ATP6V0E1: variants seen among roughly 807,000 people sequenced by gnomAD.
ATP6V0E1 encodes V-type proton ATPase subunit e 1.
A neutral mutation model predicts 11.6 loss-of-function variants in ATP6V0E1; 4 were observed. The ratio of observed to expected loss-of-function variants is 0.35; its 90% confidence interval spans 0.17 to 0.79. ATP6V0E1 has a LOEUF of 0.79. Among genes scored for constraint, ATP6V0E1 ranks in the 30% least tolerant of loss-of-function variants. The pLI, the probability that ATP6V0E1 is intolerant of heterozygous loss-of-function variation, is 0.54. For missense variants in ATP6V0E1, 105 were observed against 100.0 expected (o/e 1.05, Z -0.21); for synonymous variants, 36 against 34.8 (o/e 1.04, Z -0.13).
At chr5:172,985,162 G>T (rs571468543) in intron 1 of ATP6V0E1, among the ~76,000 whole-genome samples, 1 of 150,848 alleles carries the variant, frequency 6.6e-6, no homozygotes, top group Non-Finnish European at 1.5e-5. Context: ...GGAGAATGGC[G>T]TGAACCCAGG....
chr5:172,998,891 A>G (rs1293211773), intron 2 of ATP6V0E1, among the ~76,000 whole-genome samples: 4 of 152,162 alleles, frequency 2.6e-5, no homozygotes, highest in African/African-American at 9.7e-5. Flanking sequence ...CTGTATTCCC[A>G]GCACTTTGGG....
intron 3 of ATP6V0E1, among the ~76,000 whole-genome samples, chr5:173,024,845 T>C (rs1292506029): frequency 6.8e-6 from 1 of 146,684 alleles, no homozygotes; most frequent in African/African-American, 2.5e-5. Context: ...TTTTCTTTTT[T>C]CTTTTTTTTT....
chr5:172,988,139 GATC>G (rs1485661993), intron 1 of ATP6V0E1, among the ~76,000 whole-genome samples: 5 of 152,070 alleles, frequency 3.3e-5, no homozygotes, highest in African/African-American at 1.2e-4. Flanking sequence ...ACAGGTTCAG[GATC>G]ATCAAGATGT....
intron 2 of ATP6V0E1, among the ~76,000 whole-genome samples, chr5:173,007,275 A>G (rs1447583780): frequency 6.6e-6 from 1 of 152,130 alleles, no homozygotes; most frequent in Non-Finnish European, 1.5e-5. Context: ...GCAGCTGGTC[A>G]TGTTTATGAC....
rs191930407 is a variant in ATP6V0E1 at position 173,035,247 on chromosome 5, G to C, written c.*885G>C. The C allele has an allele frequency of 2.0e-5, 3 of 152,282 alleles. No homozygotes were observed. The East Asian group carries it at 5.8e-4, about 29-fold the overall frequency. The allele number at this position is 152,282 out of a possible 1,614,324, so 9.4% of individuals were successfully genotyped here. On this transcript the variant is annotated 3_prime_UTR_variant, in exon 4 of 4. Coordinates refer to ENST00000519374, the MANE Select transcript of ATP6V0E1 (RefSeq NM_003945.4). ...GTGAGCAGTTCAAGGTTACCTGCCA[G>C]CTGCAGAACAAGGCAGCAAATGCTC... is the stretch of plus-strand genomic sequence containing the variant.
chr5:172,990,613 G>A (rs1313618823), intron 1 of ATP6V0E1, among the ~76,000 whole-genome samples: 1 of 151,982 alleles, frequency 6.6e-6, no homozygotes, highest in Non-Finnish European at 1.5e-5. Context: ...TGGATCACTT[G>A]GTCGGGAGTT....
chr5:173,004,976 G>C (rs1218597784), intron 2 of ATP6V0E1, among the ~76,000 whole-genome samples: 1 of 152,120 alleles, frequency 6.6e-6, no homozygotes, highest in African/African-American at 2.4e-5. Flanking sequence ...TTATGAGTCT[G>C]GCTCTGGATT....
intron 3 of ATP6V0E1, among the ~76,000 whole-genome samples, chr5:173,027,085 A>G (rs763476921): frequency 1.4e-5 from 2 of 147,720 alleles, no homozygotes; most frequent in Non-Finnish European, 3.0e-5. Flanking sequence ...AGGCTGGGGC[A>G]GGATAATGGC....
intron 2 of ATP6V0E1, among the ~76,000 whole-genome samples, chr5:172,998,803 T>G (rs774360337): frequency 2.6e-5 from 4 of 151,984 alleles, no homozygotes; most frequent in Non-Finnish European, 4.4e-5. Context: ...GCTTTGAAGA[T>G]CTCTGCAATG....
intron 1 of ATP6V0E1, among the ~76,000 whole-genome samples, chr5:172,993,327 G>T (rs778286296): frequency 7.9e-5 from 12 of 151,186 alleles, no homozygotes; most frequent in Non-Finnish European, 2.9e-5. Flanking sequence ...TGGACAACAT[G>T]GCAAAACCCC....
intron 1 of ATP6V0E1, among the ~76,000 whole-genome samples, chr5:172,985,784 TTGACCAGCTAG>T (rs1755887715): frequency 6.6e-6 from 1 of 152,222 alleles, no homozygotes. Flanking sequence ...ATTCAGGTAT[TTGACCAGCTAG>T]TGATATATAG....
intron 2 of ATP6V0E1, among the ~76,000 whole-genome samples, chr5:173,008,808 G>C (rs1561771773): frequency 6.7e-6 from 1 of 149,806 alleles, no homozygotes; most frequent in Non-Finnish European, 1.5e-5. Flanking sequence ...CTACTTGGGA[G>C]GCTGAGGCAG....
chr5:173,009,748 G>A (rs1756288584), intron 2 of ATP6V0E1, among the ~76,000 whole-genome samples: 1 of 148,786 alleles, frequency 6.7e-6, no homozygotes, highest in Non-Finnish European at 1.5e-5. Context: ...ACAGGCGTGA[G>A]CCACTGCGCC....
chr5:172,985,965 G>A (rs1755891297), intron 1 of ATP6V0E1, among the ~76,000 whole-genome samples: 1 of 152,222 alleles, frequency 6.6e-6, no homozygotes. Context: ...TGTACAGCAT[G>A]TTACTGTCCT....
intron 2 of ATP6V0E1, among the ~76,000 whole-genome samples, chr5:172,998,992 C>A (rs1246990340): frequency 6.6e-6 from 1 of 151,954 alleles, no homozygotes; most frequent in Non-Finnish European, 1.5e-5. Flanking sequence ...CAAAATTAGC[C>A]CCATGTGGTG....
At chr5:172,995,303 T>C (rs1298052722) in intron 2 of ATP6V0E1, among the ~76,000 whole-genome samples, 1 of 152,190 alleles carries the variant, frequency 6.6e-6, no homozygotes, top group Non-Finnish European at 1.5e-5. Context: ...GGGTTTGCCA[T>C]GTTGGCCAGG....
chr5:172,985,040 A>G (rs938228143), intron 1 of ATP6V0E1, among the ~76,000 whole-genome samples: 1 of 152,254 alleles, frequency 6.6e-6, no homozygotes, highest in South Asian at 2.1e-4. Flanking sequence ...AGGTCAGGAG[A>G]TCGAGACCAT....
chr5:173,002,556 T>C (rs1386382799), intron 2 of ATP6V0E1, among the ~76,000 whole-genome samples: 1 of 152,252 alleles, frequency 6.6e-6, no homozygotes, highest in Non-Finnish European at 1.5e-5. Context: ...AGCTTCAATT[T>C]TTTGACCAGT....
At chr5:173,017,658 T>A (rs972500463) in intron 2 of ATP6V0E1, among the ~76,000 whole-genome samples, 1 of 150,506 alleles carries the variant, frequency 6.6e-6, no homozygotes, top group African/African-American at 2.4e-5. Context: ...CTGGCCAACA[T>A]AGTGAAACCT....
Sources: gnomAD v4.1 joint callset for allele counts (sites outside exome capture counted in the v4.1 genomes callset) on GRCh38, gnomAD v4.1.1 for gene constraint, MANE v1.5 for transcripts, NCBI Gene and HGNC (gene_info 2026-07-23, HGNC 2026-07-21) for gene names.